CRELD2: variants seen among roughly 807,000 people sequenced by gnomAD.
CRELD2 encodes CRELD disulfide isomerase 2, also known as protein disulfide isomerase CRELD2.
Under a neutral mutation model 48.1 loss-of-function variants are expected in CRELD2, and 33 were observed. The observed-to-expected ratio is 0.69, with a 90% CI of 0.52 to 0.92. The LOEUF (loss-of-function observed/expected upper bound fraction) is 0.92. Among genes scored for constraint, CRELD2 ranks in the 40% least tolerant of loss-of-function variants. The pLI is 0.00. For synonymous variants in CRELD2, 220 were observed against 203.9 expected (o/e 1.08, Z -0.67); for missense variants, 477 against 482.4 (o/e 0.99, Z 0.10).
chr22:49,922,302 AC>A (rs1225680782), intron 5 of CRELD2: 1 of 1,225,402 alleles, frequency 8.2e-7, no homozygotes, highest in East Asian at 2.7e-5. Flanking sequence ...AGCAGTCAGG[AC>A]CGGCCTCTCC....
At chr22:49,920,303 A>G (rs369398193) in intron 4 of CRELD2, 56 bp downstream of exon 4, 2 of 1,261,006 alleles carry the variant, frequency 1.6e-6, no homozygotes, top group East Asian at 2.3e-5. Flanking sequence ...TCTTCTTCTC[A>G]TGATTCTTGG....
intron 5 of CRELD2, 94 bp downstream of exon 5, chr22:49,921,855 T>C: frequency 1.5e-6 from 2 of 1,321,502 alleles, no homozygotes; most frequent in Non-Finnish European, 1.0e-6. Context: ...AGGGGCCTGT[T>C]GATCTTTAAC....
chr22:49,919,186 C>G, intron 1 of CRELD2, 44 bp from the exon 2 acceptor site: 1 of 1,590,942 alleles, frequency 6.3e-7, no homozygotes, highest in East Asian at 2.2e-5. Context: ...ACCCTGGACC[C>G]GGGTCAGGTG....
At chr22:49,925,368 C>A (rs756034681) in intron 8 of CRELD2, 49 bp from the exon 9 acceptor site, 34 of 1,188,174 alleles carry the variant, frequency 2.9e-5, no homozygotes, top group Non-Finnish European at 4.1e-5. Context: ...TAATCCGCTG[C>A]GCGTCTGCTG....
chr22:49,919,336 T>C (rs2060652206), intron 2 of CRELD2, 24 bp downstream of exon 2: 1 of 1,607,370 alleles, frequency 6.2e-7, no homozygotes, highest in Non-Finnish European at 8.5e-7. Flanking sequence ...AGCACCCCTG[T>C]GGGTCTTGGC....
intron 9 of CRELD2, chr22:49,925,793 G>T: frequency 7.4e-7 from 1 of 1,343,540 alleles, no homozygotes; most frequent in East Asian, 2.8e-5. Flanking sequence ...AGGCGATGAA[G>T]GGGGAAGTCT....
chr22:49,923,682 G>A (rs7410537), intron 7 of CRELD2: 91,238 of 393,588 alleles, frequency 0.23, 12,865 homozygotes, highest in African/African-American at 0.47. Context: ...TCTCTGTCAC[G>A]CTAATGATTT....
Position 49,922,492 on chromosome 22 carries a change from A to C in CRELD2, c.593-120A>C, listed in dbSNP as rs939010748. 6 of 1,524,218 alleles carry C rather than the reference A, an allele frequency of 3.9e-6. No homozygotes were observed. In the African/African-American group the frequency reaches 8.3e-5, roughly 21 times the overall value. 94.4% of individuals were successfully genotyped at this position (1,524,218 alleles called of 1,614,324 possible). A position where few individuals can be genotyped will look rare whatever the true frequency, so the allele number is the denominator to read the frequency against. ...CTGGTTTGCTGAGAATTTTAAATTC[A>C]TGGGCACTGAAAATCCCGTGTTGCT... On this transcript the variant is annotated intron_variant, in intron 5 of 9. Coordinates refer to ENST00000328268, the MANE Select transcript of CRELD2 (RefSeq NM_024324.5).
chr22:49,925,689 A>T (rs748366817), intron 9 of CRELD2, 132 bp downstream of exon 9: 21 of 1,513,068 alleles, frequency 1.4e-5, no homozygotes, highest in South Asian at 1.4e-4. Context: ...TTCCCGGAAG[A>T]CAGGTGCATG....
intron 8 of CRELD2, 25 bp downstream of exon 8, chr22:49,924,480 C>T (rs186783231): frequency 2.0e-4 from 300 of 1,519,526 alleles, no homozygotes; most frequent in Admixed American, 3.5e-4. Context: ...CTGTGCTGGA[C>T]GCTGGTGGAC....
At chr22:49,920,127 A>G in intron 3 of CRELD2, 29 bp from the exon 4 acceptor site, 8 of 1,438,866 alleles carry the variant, frequency 5.6e-6, no homozygotes, top group South Asian at 2.3e-5. Context: ...GTCTGCTGGG[A>G]TTCAGTGAAT....
At position 49,927,349 on chromosome 22, in the gene CRELD2, G is replaced by T. The variant is rs374692314; in HGVS notation, c.*42G>T. On this transcript the variant is annotated 3_prime_UTR_variant, in exon 10 of 10. Coordinates refer to ENST00000328268, the MANE Select transcript of CRELD2 (RefSeq NM_024324.5). ...TTTAAATTATTCAGAAGGATGTCCC[G>T]TGGAAAATGTGGCCCTGAGGATGCC... The T allele has an allele frequency of 1.5e-4, 237 of 1,555,128 alleles. 2 individuals carry two copies. The South Asian group carries it at 2.5e-3, about 16-fold the overall frequency.
intron 8 of CRELD2, 57 bp downstream of exon 8, chr22:49,924,512 T>G: frequency 7.7e-7 from 1 of 1,292,814 alleles, no homozygotes; most frequent in African/African-American, 1.5e-5. Context: ...GACCATGATG[T>G]GAATGGCCCC....
At chr22:49,922,263 G>A (rs766992822) in intron 5 of CRELD2, 1 of 1,433,284 alleles carries the variant, frequency 7.0e-7, no homozygotes. Flanking sequence ...CGATAGTCAG[G>A]ACCGGCCTCT....
At chr22:49,922,079 G>T in intron 5 of CRELD2, 1 of 629,162 alleles carries the variant, frequency 1.6e-6, no homozygotes, top group Non-Finnish European at 2.7e-6. Flanking sequence ...GCCCCGCACC[G>T]GCCCAGAGAG....
intron 9 of CRELD2, 117 bp from the exon 10 acceptor site, chr22:49,927,138 G>A (rs903758163): frequency 1.8e-5 from 16 of 903,332 alleles, no homozygotes; most frequent in Non-Finnish European, 2.9e-5. Context: ...CTGCGTCCGG[G>A]GCTTTGAGCC....
At chr22:49,927,028 T>A (rs746896009) in intron 9 of CRELD2, among the ~76,000 whole-genome samples, 16 of 148,910 alleles carry the variant, frequency 1.1e-4, no homozygotes, top group Non-Finnish European at 2.1e-4. Flanking sequence ...CAACTCTGCA[T>A]CCTCCACACC....
chr22:49,919,184 C>A, intron 1 of CRELD2, 46 bp from the exon 2 acceptor site: 1 of 1,590,662 alleles, frequency 6.3e-7, no homozygotes. Flanking sequence ...CCACCCTGGA[C>A]CCGGGTCAGG....
At chr22:49,925,260 C>G (rs537657099) in intron 8 of CRELD2, 157 bp from the exon 9 acceptor site, 3 of 572,348 alleles carry the variant, frequency 5.2e-6, no homozygotes, top group African/African-American at 3.8e-5. Flanking sequence ...AAATTCTTCC[C>G]TCTCGAAGCC....
Sources: gnomAD v4.1 joint callset for allele counts (sites outside exome capture counted in the v4.1 genomes callset) on GRCh38, gnomAD v4.1.1 for gene constraint, MANE v1.5 for transcripts, NCBI Gene and HGNC (gene_info 2026-07-23, HGNC 2026-07-21) for gene names.